The following SOX6 variants were observed in gnomAD, a reference collection of about 807,000 sequenced individuals.
SOX6 encodes transcription factor SOX-6.
Under a neutral mutation model 97.8 loss-of-function variants are expected in SOX6, and 11 were observed. That is an observed-to-expected ratio of 0.11 (90% CI 0.07 to 0.19). The LOEUF (loss-of-function observed/expected upper bound fraction) is 0.19. Among genes scored for constraint, SOX6 ranks in the 10% least tolerant of loss-of-function variants. The probability of loss-of-function intolerance (pLI) is 1.00; values close to 1 mark genes in which losing one functional copy is unlikely to be tolerated. For synonymous variants in SOX6, 360 were observed against 371.4 expected (o/e 0.97, Z 0.35); for missense variants, 810 against 1,039.5 (o/e 0.78, Z 3.04).
chr11:16,250,146 A>G (rs570084575), intron 3 of SOX6, among the ~76,000 whole-genome samples: 2 of 152,290 alleles, frequency 1.3e-5, no homozygotes, highest in South Asian at 4.1e-4. Flanking sequence ...CTGTGAGATC[A>G]GCAGTGGCGT....
At chr11:16,459,042 GTA>G (rs1220932145) in intron 1 of SOX6, among the ~76,000 whole-genome samples, 1 of 152,010 alleles carries the variant, frequency 6.6e-6, no homozygotes, top group Non-Finnish European at 1.5e-5. Context: ...ATTAGTACAT[GTA>G]TATGAAGAAA....
rs190099654 is a variant in SOX6, at chr11:16,605,620, T to A, written n.609+6461A>T. ...AGCGACCCGGGTTTTCTTCATGAAC[T>A]CCTCCGAGTAAACTTTATCCCGGCG... On this transcript the variant is annotated intron_variant and non_coding_transcript_variant, in intron 4 of 5. Transcript: ENST00000524520. The surrounding 1 kb of genome is among the most constrained non-coding windows in gnomAD (Gnocchi z 5.3). Among the ~76,000 whole-genome samples the A allele has an allele frequency of 2.7e-3, 412 of 151,946 alleles. 1 individual carries two copies. Among genetic ancestry groups the A allele is most frequent in the African/African-American group, 9.3e-3 (385 of 41,432 alleles).
chr11:16,385,344 T>C (rs1857950902), intron 1 of SOX6, among the ~76,000 whole-genome samples: 1 of 152,074 alleles, frequency 6.6e-6, no homozygotes, highest in African/African-American at 2.4e-5. Context: ...TGATTGTCAG[T>C]GGGTTAAAAG....
rs542661795 is a variant in SOX6 at position 16,045,424 on chromosome 11, A to AGT, written c.1623+1089_1623+1090insAC. Reference sequence around the variant, plus strand: ...ACCAGTCTCCCTGTTTCCATTCTTAACCTCCAATATAGTCCAATCTTCCAC... The same window carrying AGT: ...ACCAGTCTCCCTGTTTCCATTCTTAAGTCCTCCAATATAGTCCAATCTTCCAC... On this transcript the variant is annotated intron_variant, in intron 12 of 15. Transcript: ENST00000683767. Among the ~76,000 whole-genome samples the AGT allele has an allele frequency of 1.7e-3, 257 of 152,106 alleles. 1 individual carries two copies. The highest frequency in any genetic ancestry group is 4.2e-3 in the African/African-American group (173 of 41,494).
intron 6 of SOX6, among the ~76,000 whole-genome samples, chr11:16,132,323 GAAGGAAGGAAAGAAA>G (rs1849777459): frequency 2.4e-5 from 2 of 82,852 alleles, no homozygotes; most frequent in African/African-American, 9.1e-5. Flanking sequence ...AGGAAGGAAG[GAAGGAAGGAAAGAAA>G]AAAGAAAGAA....
chr11:16,737,922 T>C (rs941809176), intron 1 of SOX6, among the ~76,000 whole-genome samples: 4 of 151,700 alleles, frequency 2.6e-5, no homozygotes, highest in Admixed American at 6.6e-5. Context: ...AGAAAAAAAA[T>C]AGAGGCTTTT....
chr11:15,995,501 T>C (rs1854196617), intron 13 of SOX6, among the ~76,000 whole-genome samples: 1 of 151,924 alleles, frequency 6.6e-6, no homozygotes, highest in African/African-American at 2.4e-5. Flanking sequence ...CAACATACAA[T>C]ATATAATTAA....
intron 10 of SOX6, among the ~76,000 whole-genome samples, chr11:16,052,369 A>G (rs1847707008): frequency 6.6e-6 from 1 of 152,166 alleles, no homozygotes; most frequent in South Asian, 2.1e-4. Context: ...CTTACATATA[A>G]GAGGCATAAA....
intron 13 of SOX6, 92 bp from the exon 14 acceptor site, chr11:15,989,322 C>T (rs1853972202): frequency 2.1e-6 from 2 of 969,420 alleles, no homozygotes; most frequent in African/African-American, 1.6e-5. Flanking sequence ...AGCTGTTTTC[C>T]CCAGGTCCTC....
chr11:16,522,845 A>G (rs1163817433), intron 4 of SOX6, among the ~76,000 whole-genome samples: 2 of 152,206 alleles, frequency 1.3e-5, no homozygotes, highest in Non-Finnish European at 2.9e-5. Flanking sequence ...TCTCTGATAA[A>G]CCAGACTTTA....
intron 13 of SOX6, among the ~76,000 whole-genome samples, chr11:16,002,869 G>C (rs1472275015): frequency 2.0e-5 from 3 of 152,194 alleles, no homozygotes; most frequent in Non-Finnish European, 4.4e-5. Context: ...AGTCTCAGGA[G>C]TTAGTTAACA....
chr11:16,589,325 C>A (rs1848126105), intron 4 of SOX6, among the ~76,000 whole-genome samples: 1 of 152,106 alleles, frequency 6.6e-6, no homozygotes, highest in African/African-American at 2.4e-5. Flanking sequence ...AAAATTAATC[C>A]TTACCTAGAT....
At chr11:16,728,079 C>T (rs1268708014) in intron 2 of SOX6, among the ~76,000 whole-genome samples, 1 of 152,176 alleles carries the variant, frequency 6.6e-6, no homozygotes, top group Admixed American at 6.5e-5. Flanking sequence ...AGAAAGGCAG[C>T]AGCCCCAGTG....
At chr11:16,406,887 A>G (rs1858697551) in intron 1 of SOX6, among the ~76,000 whole-genome samples, 1 of 152,134 alleles carries the variant, frequency 6.6e-6, no homozygotes, top group Non-Finnish European at 1.5e-5. Context: ...ATTTTATTTT[A>G]ATAAGTGAGA....
chr11:16,701,850 C>T (rs1348304650), intron 3 of SOX6, among the ~76,000 whole-genome samples: 2 of 151,338 alleles, frequency 1.3e-5, no homozygotes, highest in Non-Finnish European at 2.9e-5. Flanking sequence ...GCCGAAATTG[C>T]GCCACTGCAC....
At chr11:16,540,332 G>A (rs1425169141) in intron 4 of SOX6, among the ~76,000 whole-genome samples, 2 of 151,966 alleles carry the variant, frequency 1.3e-5, no homozygotes, top group Admixed American at 1.3e-4. Flanking sequence ...AAAATAATAA[G>A]AGCTATCTAT....
chr11:16,265,158 G>A (rs1854040034), intron 3 of SOX6, among the ~76,000 whole-genome samples: 1 of 151,884 alleles, frequency 6.6e-6, no homozygotes, highest in Admixed American at 6.6e-5. Context: ...ATCTGCAGAG[G>A]GGTCCCTTGA....
chr11:16,568,157 T>G (rs1246298161), intron 4 of SOX6, among the ~76,000 whole-genome samples: 1 of 152,156 alleles, frequency 6.6e-6, no homozygotes, highest in African/African-American at 2.4e-5. Flanking sequence ...TGTATAGGCT[T>G]GGGTCCCATC....
At chr11:16,523,959 C>T (rs1322887900) in intron 4 of SOX6, among the ~76,000 whole-genome samples, 1 of 152,160 alleles carries the variant, frequency 6.6e-6, no homozygotes, top group Admixed American at 6.5e-5. Flanking sequence ...TGAATAGACC[C>T]ATAACAGGCT....
Sources: gnomAD v4.1 joint callset for allele counts (sites outside exome capture counted in the v4.1 genomes callset) on GRCh38, gnomAD v4.1.1 for gene constraint, Gnocchi (gnomAD v3.1) non-coding constraint, MANE v1.5 for transcripts, NCBI Gene and HGNC (gene_info 2026-07-23, HGNC 2026-07-21) for gene names.